Variants in USP20 observed in about 807,000 individuals in gnomAD.
USP20 encodes the protein ubiquitin carboxyl-terminal hydrolase 20.
Under a neutral mutation model 124.2 loss-of-function variants are expected in USP20, and 80 were observed. The ratio of observed to expected loss-of-function variants is 0.64; its 90% confidence interval spans 0.54 to 0.78. The LOEUF is 0.78. USP20 is among the 30% of genes least tolerant of loss of function. The pLI is 0.00. For missense variants in USP20, 1,043 were observed against 1,244.4 expected, an observed-to-expected ratio of 0.84 and a Z score of 2.44; for synonymous variants, 481 against 512.3, an observed-to-expected ratio of 0.94 and a Z score of 0.83.
chr9:129,869,944 C>G, intron 14 of USP20, 100 bp downstream of exon 14: 1 of 1,454,556 alleles, frequency 6.9e-7, no homozygotes, highest in Non-Finnish European at 9.4e-7. Context: ...TTTGGGGAAC[C>G]AGGGAGGTCC....
At chr9:129,864,074 C>G (rs569338928) in intron 9 of USP20, among the ~76,000 whole-genome samples, 8 of 150,060 alleles carry the variant, frequency 5.3e-5, no homozygotes, top group African/African-American at 2.0e-4. Flanking sequence ...CCACTGCACT[C>G]CAGCCTGTTG....
chr9:129,863,270 G>T lies in USP20; in HGVS notation c.582G>T (p.Lys194Asn). Reference sequence around the variant, plus strand: ...CAGCCCTGTGCAAGAGCTACCAGAAGCTGGTCTCTGAGGTCTGGCATAAGA... The same window carrying T: ...CAGCCCTGTGCAAGAGCTACCAGAATCTGGTCTCTGAGGTCTGGCATAAGA... Reference protein sequence around the residue: ...KKPALCKSYQKLVSEVWHKKR... With the variant: ...KKPALCKSYQNLVSEVWHKKR... The change falls in exon 9 of 26, where the codon AAG (lysine) becomes AAT (asparagine). Residue 194 changes from lysine (K) to asparagine (N), a missense_variant. Lys to Asn is a moderately conservative substitution (Grantham distance 94, BLOSUM62 0). Transcript: ENST00000372429. The T allele has an allele frequency of 1.3e-6, 2 of 1,550,274 alleles. No individual in the cohort carries two copies. Among genetic ancestry groups the T allele is most frequent in the Admixed American group, 1.9e-5 (1 of 51,374 alleles).
At position 129,874,945 on chromosome 9, in the gene USP20, C is replaced by G; in HGVS notation, c.2038C>G (p.Leu680Val). ...GGTGCAGAACGCCGAGGGCTACGTACTCTTCTACAGGTGGGCGCTGGGCCA... is the reference window on the plus strand; with the variant it reads ...GGTGCAGAACGCCGAGGGCTACGTAGTCTTCTACAGGTGGGCGCTGGGCCA... ...TVVQNAEGYVLFYRKSSEEAM... is the reference protein window; with the variant it reads ...TVVQNAEGYVVFYRKSSEEAM... Residue 680 changes from leucine to valine, a missense_variant, in exon 19 of 26, where the codon CTC (leucine) becomes GTC (valine). Leu to Val is a conservative substitution (Grantham distance 32). Transcript: ENST00000372429. 6.2e-7 allele frequency: 1 copy of G among 1,613,828 alleles called. No individual in the cohort carries two copies.
intron 10 of USP20, among the ~76,000 whole-genome samples, chr9:129,866,382 C>T (rs1029406778): frequency 1.3e-5 from 2 of 152,226 alleles, no homozygotes; most frequent in African/African-American, 4.8e-5. Flanking sequence ...GTGGTCACAA[C>T]TTAGTCCTCA....
chr9:129,863,386 C>A, intron 9 of USP20, 87 bp downstream of exon 9: 1 of 1,091,822 alleles, frequency 9.2e-7, no homozygotes, highest in Non-Finnish European at 1.3e-6. Flanking sequence ...CCTGTGGATT[C>A]AGCCCCCAGC....
chr9:129,844,936 A>C (rs2032452310), intron 1 of USP20, among the ~76,000 whole-genome samples: 1 of 152,086 alleles, frequency 6.6e-6, no homozygotes, highest in Non-Finnish European at 1.5e-5. Context: ...TAATCCCAGC[A>C]CTTTGGGAGG....
intron 9 of USP20, among the ~76,000 whole-genome samples, chr9:129,864,382 G>A (rs1162057323): frequency 1.3e-5 from 2 of 151,000 alleles, no homozygotes; most frequent in African/African-American, 2.5e-5. Context: ...TGGGAGGATC[G>A]CTTGAGTCCA....
At chr9:129,845,476 C>A (rs1271430425) in intron 1 of USP20, among the ~76,000 whole-genome samples, 1 of 152,180 alleles carries the variant, frequency 6.6e-6, no homozygotes, top group Non-Finnish European at 1.5e-5. Context: ...AGGAAAACAG[C>A]TCTCTCTCTA....
Position 129,879,940 on chromosome 9 carries a change from C to G in USP20, c.2585-173C>G, listed in dbSNP as rs939539873. Among the ~76,000 whole-genome samples, 2 of 152,120 alleles carry G rather than the reference C, an allele frequency of 1.3e-5. No individual in the cohort carries two copies. Among genetic ancestry groups the G allele is most frequent in the Non-Finnish European group, 2.9e-5 (2 of 68,020 alleles). On this transcript the variant is annotated intron_variant, in intron 24 of 25. Transcript: ENST00000372429. The surrounding 1 kb of genome is among the most constrained non-coding windows in gnomAD (Gnocchi z 4.2). ...GAGATGTGTTATCCGGGGCCCTTAG[C>G]GGGATGGACATTCCTCTGGGAAATC...
chr9:129,870,962 T>G (rs1043076499), intron 15 of USP20, among the ~76,000 whole-genome samples: 1 of 152,150 alleles, frequency 6.6e-6, no homozygotes, highest in African/African-American at 2.4e-5. Flanking sequence ...TTGGGAAAAC[T>G]CTCTCTTTTT....
chr9:129,859,484 G>T (rs1361561129), intron 6 of USP20, among the ~76,000 whole-genome samples: 1 of 151,038 alleles, frequency 6.6e-6, no homozygotes. Flanking sequence ...ATGTTGACTA[G>T]GCTGGTCTTG....
intron 19 of USP20, 99 bp from the exon 20 acceptor site, chr9:129,875,211 C>CA: frequency 7.4e-7 from 1 of 1,354,860 alleles, no homozygotes; most frequent in East Asian, 2.5e-5. Flanking sequence ...AGGTGGTGGA[C>CA]AGGGCCGGTA....
At chr9:129,874,011 GACACTGGGTTACCAC>G (rs2034263808) in intron 17 of USP20, among the ~76,000 whole-genome samples, 1 of 152,206 alleles carries the variant, frequency 6.6e-6, no homozygotes, top group Admixed American at 6.5e-5. Context: ...AGGTGTGTGG[GACACTGGGTTACCAC>G]CCCCAGTGAG....
At chr9:129,851,052 T>C (rs1294630963) in intron 2 of USP20, among the ~76,000 whole-genome samples, 1 of 152,216 alleles carries the variant, frequency 6.6e-6, no homozygotes, top group Non-Finnish European at 1.5e-5. Context: ...TTGGACCTTA[T>C]TTGGCAACAG....
At chr9:129,876,058 G>A (rs2034389940) in intron 21 of USP20, 72 bp from the exon 22 acceptor site, 1 of 1,349,780 alleles carries the variant, frequency 7.4e-7, no homozygotes, top group Non-Finnish European at 1.0e-6. Flanking sequence ...GGGGGAAGTG[G>A]AAGGCAGTGA....
chr9:129,874,775 C>T lies in USP20; in HGVS notation c.1921+19C>T. 1 of 1,613,780 alleles carries T rather than the reference C, an allele frequency of 6.2e-7. No homozygotes were observed. The highest frequency in any genetic ancestry group is 8.5e-7 in the Non-Finnish European group (1 of 1,179,932). ...GCAGGCAGTGAGTCATGTCCCCTCCCCTGCCGTCCCCATCCGCTAGGATCC... is the reference window on the plus strand; with the variant it reads ...GCAGGCAGTGAGTCATGTCCCCTCCTCTGCCGTCCCCATCCGCTAGGATCC... On this transcript the variant is annotated intron_variant, in intron 18 of 25. Coordinates refer to ENST00000372429, the MANE Select transcript of USP20 (RefSeq NM_001110303.4).
At chr9:129,848,250 C>A (rs564465932) in intron 1 of USP20, among the ~76,000 whole-genome samples, 1 of 151,594 alleles carries the variant, frequency 6.6e-6, no homozygotes, top group African/African-American at 2.4e-5. Flanking sequence ...GAGCTGAGAT[C>A]GCACCATTGC....
chr9:129,845,628 G>A (rs1055698684), intron 1 of USP20, among the ~76,000 whole-genome samples: 2 of 151,958 alleles, frequency 1.3e-5, no homozygotes, highest in Admixed American at 1.3e-4. Context: ...TGAGCTTAAG[G>A]GATCCTCCCT....
chr9:129,857,834 A>T (rs1041101219), intron 4 of USP20, among the ~76,000 whole-genome samples: 1 of 152,210 alleles, frequency 6.6e-6, no homozygotes, highest in Non-Finnish European at 1.5e-5. Flanking sequence ...TCTCACTCAG[A>T]GGGCAGGGAC....
Sources: allele counts gnomAD v4.1 joint callset (sites outside exome capture counted in the v4.1 genomes callset), GRCh38; gene constraint gnomAD v4.1.1; non-coding constraint Gnocchi (gnomAD v3.1); transcripts MANE v1.5; gene names NCBI Gene and HGNC (gene_info 2026-07-23, HGNC 2026-07-21).